The following NKD1 variants were observed in gnomAD, a reference collection of about 807,000 sequenced individuals.
NKD1 encodes the protein protein naked cuticle homolog 1.
In NKD1, 21 loss-of-function variants were observed where a neutral mutation model predicts 56.0. That is an observed-to-expected ratio of 0.38 (90% CI 0.27 to 0.54). NKD1 has a LOEUF of 0.54. Among genes scored for constraint, NKD1 ranks in the 20% least tolerant of loss-of-function variants. NKD1 has a pLI of 0.82. For synonymous variants in NKD1, 263 were observed against 265.7 expected (o/e 0.99, Z 0.10); for missense variants, 578 against 642.7 (o/e 0.90, Z 1.09).
At chr16:50,581,814 G>T (rs535852753) in intron 3 of NKD1, among the ~76,000 whole-genome samples, 2 of 152,314 alleles carry the variant, frequency 1.3e-5, no homozygotes, top group East Asian at 3.9e-4. Context: ...CCTGGGGAGG[G>T]CAGAATTGTG....
intron 3 of NKD1, among the ~76,000 whole-genome samples, chr16:50,601,005 A>T (rs934179855): frequency 2.0e-5 from 3 of 152,222 alleles, no homozygotes; most frequent in South Asian, 2.1e-4. Context: ...GTCCAGGAGA[A>T]ATCTGAGGAA....
chr16:50,621,338 T>C (rs989811868), intron 4 of NKD1, among the ~76,000 whole-genome samples: 1 of 152,186 alleles, frequency 6.6e-6, no homozygotes, highest in African/African-American at 2.4e-5. Flanking sequence ...TGTGCCTCCA[T>C]AGGGCAGAAG....
rs546201498 is a variant in NKD1, at chr16:50,600,589, G to C, written c.193-7705G>C. Among the ~76,000 whole-genome samples, 94 of 152,334 alleles carry C rather than the reference G, an allele frequency of 6.2e-4. 1 individual carries two copies. The highest frequency in any genetic ancestry group is 2.2e-3 in the African/African-American group (91 of 41,566). ...TAAAGAGAAGCATTTAAGTACTCAT[G>C]GTAGCCCAGAGACATGGCTCTGGAG... On this transcript the variant is annotated intron_variant, in intron 3 of 9. Transcript: ENST00000268459.
At chr16:50,568,609 C>T (rs1960815937) in intron 3 of NKD1, among the ~76,000 whole-genome samples, 1 of 152,168 alleles carries the variant, frequency 6.6e-6, no homozygotes, top group South Asian at 2.1e-4. Context: ...ACTCATCCCA[C>T]AGCTTCCTTT....
At chr16:50,557,677 T>C (rs534610161) in intron 3 of NKD1, 2 of 152,374 alleles carry the variant, frequency 1.3e-5, no homozygotes, top group Non-Finnish European at 2.9e-5. Flanking sequence ...TGCAACCTTC[T>C]TGGCCCTCCG....
intron 3 of NKD1, chr16:50,562,398 G>T (rs762550662): frequency 4.8e-6 from 2 of 413,674 alleles, no homozygotes; most frequent in South Asian, 2.0e-4. Context: ...TTTTCATTTT[G>T]TACATTTTTA....
Position 50,633,602 on chromosome 16 carries a change from G to A in NKD1, c.1234G>A (p.Gly412Ser), listed in dbSNP as rs376712250. ...GCACCGAGCCAAGGAGAGCCAGCAGGGCTGCCGGGGCCTGCAGGCACCACT... is the reference window on the plus strand; with the variant it reads ...GCACCGAGCCAAGGAGAGCCAGCAGAGCTGCCGGGGCCTGCAGGCACCACT... Reference protein sequence around the residue: ...HKHRAKESQQGCRGLQAPLAS... With the variant: ...HKHRAKESQQSCRGLQAPLAS... Residue 412 changes from glycine (G) to serine (S), a missense_variant, in exon 10 of 10, where the codon GGC (glycine) becomes AGC (serine). Gly to Ser is a moderately conservative substitution (Grantham distance 56). Transcript: ENST00000268459. The surrounding 1 kb of genome is among the most constrained non-coding windows in gnomAD (Gnocchi z 4.9). The A allele has an allele frequency of 5.0e-6, 8 of 1,610,912 alleles. No homozygotes were observed. In the African/African-American group the frequency reaches 1.1e-4, roughly 22 times the overall value.
At chr16:50,631,345 G>A (rs953136201) in intron 8 of NKD1, among the ~76,000 whole-genome samples, 4 of 152,174 alleles carry the variant, frequency 2.6e-5, no homozygotes, top group Admixed American at 1.3e-4. Context: ...AAGGAATTAT[G>A]AGGCTGTAGT....
intron 3 of NKD1, among the ~76,000 whole-genome samples, chr16:50,577,985 T>C (rs1408907850): frequency 6.6e-6 from 1 of 152,248 alleles, no homozygotes; most frequent in Non-Finnish European, 1.5e-5. Flanking sequence ...TTCTTTCCAC[T>C]TGTGTTTTAG....
At chr16:50,560,117 C>T (rs530380576) in intron 3 of NKD1, among the ~76,000 whole-genome samples, 3 of 152,262 alleles carry the variant, frequency 2.0e-5, no homozygotes, top group East Asian at 3.9e-4. Context: ...TTCTTTCCCC[C>T]TTCAAAGGCA....
Position 50,632,260 on chromosome 16 carries a change from C to T in NKD1, c.696-21C>T, listed in dbSNP as rs1364454330. 1.2e-6 allele frequency: 2 copies of T among 1,613,666 alleles called. No individual in the cohort carries two copies. Among genetic ancestry groups the T allele is most frequent in the Non-Finnish European group, 1.7e-6 (2 of 1,179,676 alleles). On this transcript the variant is annotated intron_variant, in intron 8 of 9. Coordinates refer to ENST00000268459, the MANE Select transcript of NKD1 (RefSeq NM_033119.5). This position sits in a 1 kb window ranked among gnomAD's most constrained non-coding sequence, Gnocchi z 4.1. ...ACCTGGTGGTTGGTGTTATCCCACT[C>T]ACTTGCCTCCCCTGCCGTAGGTTCC...
intron 4 of NKD1, among the ~76,000 whole-genome samples, chr16:50,617,685 C>T (rs1684089001): frequency 1.3e-5 from 2 of 152,178 alleles, no homozygotes; most frequent in Admixed American, 1.3e-4. Context: ...CATTACCAAC[C>T]CCCCAGATTC....
In NKD1 at chr16:50,598,485, C is replaced by T. The variant is rs1342334591; in HGVS notation, c.193-9809C>T. Among the ~76,000 whole-genome samples, 1 of 152,194 alleles carries T rather than the reference C, an allele frequency of 6.6e-6. No individual in the cohort carries two copies. The highest frequency in any genetic ancestry group is 1.5e-5 in the Non-Finnish European group (1 of 68,038). On this transcript the variant is annotated intron_variant, in intron 3 of 9. Transcript: ENST00000268459. This position sits in a 1 kb window ranked among gnomAD's most constrained non-coding sequence, Gnocchi z 4.2. ...ACATCCTTTCCCCACAGTGAGGTGG[C>T]CTATGGCTATGGGGCACCCTTCCTT...
intron 7 of NKD1, 82 bp from the exon 8 acceptor site, chr16:50,630,744 C>A: frequency 8.1e-7 from 1 of 1,240,616 alleles, no homozygotes; most frequent in Non-Finnish European, 1.1e-6. Context: ...CCTTGCAAAG[C>A]AGCTGCACGC....
rs1312818823 is a variant in NKD1, at chr16:50,640,308, C to T, written c.*6527C>T. 6.6e-6 allele frequency: 1 copy of T among 152,270 alleles called. No individual in the cohort carries two copies. Among genetic ancestry groups the T allele is most frequent in the Non-Finnish European group, 1.5e-5 (1 of 68,084 alleles). The allele number at this position is 152,270 out of a possible 1,614,324, so 9.4% of individuals were successfully genotyped here. A position where few individuals can be genotyped will look rare whatever the true frequency, so the allele number is the denominator to read the frequency against. ...CTCATCCCCAAGCCCTGGCATCCCC[C>T]TGTTCTTCTAAAATAATTCTTTTCT... On this transcript the variant is annotated 3_prime_UTR_variant, in exon 10 of 10. Transcript: ENST00000268459.
intron 3 of NKD1, among the ~76,000 whole-genome samples, chr16:50,593,560 T>A (rs78017561): frequency 0.076 from 11,546 of 152,204 alleles, 728 homozygotes; most frequent in Non-Finnish European, 0.1. Context: ...TTGGGTTGTG[T>A]GCCCGGCCCT....
rs1378180031 is a variant in NKD1, at chr16:50,648,729, A to G, written c.*14948A>G. The G allele has an allele frequency of 2.0e-5, 3 of 152,258 alleles. No homozygotes were observed. Among genetic ancestry groups the G allele is most frequent in the Non-Finnish European group, 4.4e-5 (3 of 68,042 alleles). The allele number at this position is 152,258 out of a possible 1,614,324, so 9.4% of individuals were successfully genotyped here. Reference sequence around the variant, plus strand: ...ATTTTGTGACTAAACTCTAGTCAACAGTAAGTGTCATGTAGCAGCTCCTGG... The same window carrying G: ...ATTTTGTGACTAAACTCTAGTCAACGGTAAGTGTCATGTAGCAGCTCCTGG... On this transcript the variant is annotated 3_prime_UTR_variant, in exon 10 of 10. Coordinates refer to ENST00000268459, the MANE Select transcript of NKD1 (RefSeq NM_033119.5).
At chr16:50,575,260 A>G in intron 3 of NKD1, 1 of 985,462 alleles carries the variant, frequency 1.0e-6, no homozygotes, top group Middle Eastern at 5.2e-4. Flanking sequence ...CTTCTGGGGT[A>G]ACGTTGGCAC....
At chr16:50,596,516 G>T (rs527728123) in intron 3 of NKD1, among the ~76,000 whole-genome samples, 3 of 152,076 alleles carry the variant, frequency 2.0e-5, no homozygotes, top group Admixed American at 6.5e-5. Flanking sequence ...CTCTGCAGAC[G>T]TGTGCCTCCT....
Sources: gnomAD v4.1 joint callset for allele counts (sites outside exome capture counted in the v4.1 genomes callset) on GRCh38, gnomAD v4.1.1 for gene constraint, Gnocchi (gnomAD v3.1) non-coding constraint, MANE v1.5 for transcripts, NCBI Gene and HGNC (gene_info 2026-07-23, HGNC 2026-07-21) for gene names.